The following PTPRD variants were observed in gnomAD, a reference collection of about 807,000 sequenced individuals.
The protein encoded by PTPRD is receptor-type tyrosine-protein phosphatase delta.
PTPRD carries 34 observed loss-of-function variants against 214.5 expected under a neutral mutation model. The observed-to-expected ratio is 0.16, with a 90% CI of 0.12 to 0.21. The LOEUF (loss-of-function observed/expected upper bound fraction) is 0.21, where lower values mean the gene tolerates loss of function less well. PTPRD is among the 10% of genes least tolerant of loss of function. The pLI, the probability that PTPRD is intolerant of heterozygous loss-of-function variation, is 1.00. For synonymous variants in PTPRD, 1,128 were observed against 845.7 expected (o/e 1.33, Z -5.79); for missense variants, 2,545 against 2,398.7 (o/e 1.06, Z -1.27).
At chr9:10,143,397 G>A (rs1012393633) in intron 3 of PTPRD, among the ~76,000 whole-genome samples, 19 of 152,164 alleles carry the variant, frequency 1.2e-4, no homozygotes, top group African/African-American at 4.3e-4. Flanking sequence ...TTGTTAAACA[G>A]TCAGAAATAT....
intron 8 of PTPRD, among the ~76,000 whole-genome samples, chr9:9,460,595 G>A (rs7857812): frequency 1.1e-4 from 17 of 151,782 alleles, no homozygotes; most frequent in African/African-American, 3.9e-4. Flanking sequence ...AATAATCATC[G>A]AAGCGATGCA....
chr9:9,654,704 G>A (rs889499289), intron 7 of PTPRD, among the ~76,000 whole-genome samples: 3 of 152,134 alleles, frequency 2.0e-5, no homozygotes, highest in Non-Finnish European at 4.4e-5. Flanking sequence ...TTAGCTAGAA[G>A]GAGTAACAGT....
chr9:10,381,437 T>A (rs1439987041), intron 2 of PTPRD, among the ~76,000 whole-genome samples: 1 of 152,044 alleles, frequency 6.6e-6, no homozygotes. Context: ...ACTGGCTTGT[T>A]AGCATATCAT....
At chr9:10,004,915 C>A (rs1490144139) in intron 4 of PTPRD, among the ~76,000 whole-genome samples, 1 of 152,090 alleles carries the variant, frequency 6.6e-6, no homozygotes, top group Admixed American at 6.6e-5. Flanking sequence ...CAAATTTTTC[C>A]AAGTTGGTGT....
chr9:9,300,707 C>G (rs537068203), intron 9 of PTPRD, among the ~76,000 whole-genome samples: 1 of 151,864 alleles, frequency 6.6e-6, no homozygotes, highest in African/African-American at 2.4e-5. Context: ...AGAAGGCTGT[C>G]ACCAGTACCT....
chr9:8,840,075 T>C (rs1159686485), intron 11 of PTPRD, among the ~76,000 whole-genome samples: 1 of 152,224 alleles, frequency 6.6e-6, no homozygotes, highest in African/African-American at 2.4e-5. Context: ...ATTACTTTTA[T>C]GGCTTTGAAA....
At chr9:8,426,151 T>G (rs1186996294) in intron 35 of PTPRD, among the ~76,000 whole-genome samples, 1 of 152,184 alleles carries the variant, frequency 6.6e-6, no homozygotes, top group Non-Finnish European at 1.5e-5. Context: ...CCACTTCTGT[T>G]GACCAAGCGC....
chr9:8,492,309 GC>G (rs1180488108), intron 27 of PTPRD, among the ~76,000 whole-genome samples: 1 of 152,054 alleles, frequency 6.6e-6, no homozygotes, highest in East Asian at 1.9e-4. Flanking sequence ...TGACTTCCCT[GC>G]CCAGATCCCT....
intron 4 of PTPRD, among the ~76,000 whole-genome samples, chr9:9,968,564 A>T (rs2094869670): frequency 6.6e-6 from 1 of 152,198 alleles, no homozygotes; most frequent in African/African-American, 2.4e-5. Flanking sequence ...GGAGAGAAGC[A>T]GAGAGCACCA....
intron 7 of PTPRD, among the ~76,000 whole-genome samples, chr9:9,634,554 G>A (rs2095694446): frequency 6.6e-6 from 1 of 152,098 alleles, no homozygotes; most frequent in African/African-American, 2.4e-5. Context: ...TAAGAGGAAG[G>A]AAATAAATGC....
chr9:9,021,348 A>C (rs1250557734), intron 10 of PTPRD, among the ~76,000 whole-genome samples: 1 of 152,206 alleles, frequency 6.6e-6, no homozygotes, highest in Non-Finnish European at 1.5e-5. Context: ...CTCATAGCAC[A>C]TACAATTATG....
intron 3 of PTPRD, among the ~76,000 whole-genome samples, chr9:10,157,109 G>T (rs970807004): frequency 6.6e-6 from 1 of 152,070 alleles, no homozygotes; most frequent in African/African-American, 2.4e-5. Context: ...CCTTTTGATT[G>T]GGGGCATTTA....
intron 9 of PTPRD, among the ~76,000 whole-genome samples, chr9:9,279,881 A>T (rs903266941): frequency 6.6e-6 from 1 of 151,122 alleles, no homozygotes; most frequent in Non-Finnish European, 1.5e-5. Context: ...AAATTCACTC[A>T]CGCCACTCTA....
At chr9:9,456,369 G>A (rs998946300) in intron 8 of PTPRD, among the ~76,000 whole-genome samples, 2 of 151,852 alleles carry the variant, frequency 1.3e-5, no homozygotes, top group Non-Finnish European at 2.9e-5. Flanking sequence ...AAACCGTACA[G>A]ATTGCTTTAG....
At chr9:8,751,131 G>C (rs548643483) in intron 11 of PTPRD, among the ~76,000 whole-genome samples, 1 of 152,110 alleles carries the variant, frequency 6.6e-6, no homozygotes, top group African/African-American at 2.4e-5. Flanking sequence ...GCTTTTTAAT[G>C]TTTTCAGCTG....
chr9:9,884,913 CT>C (rs1041444013), intron 5 of PTPRD, among the ~76,000 whole-genome samples: 2 of 152,088 alleles, frequency 1.3e-5, no homozygotes, highest in African/African-American at 4.8e-5. Flanking sequence ...AATTAAACCT[CT>C]TTCCTTTATA....
intron 4 of PTPRD, among the ~76,000 whole-genome samples, chr9:10,012,784 G>A (rs1023482653): frequency 5.3e-5 from 8 of 151,824 alleles, no homozygotes; most frequent in African/African-American, 1.9e-4. Context: ...AGATTTCCAA[G>A]GACCAAACTG....
rs1210250378 is a variant in PTPRD, at chr9:10,034,864, T to A, written c.-544-1074A>T. Among the ~76,000 whole-genome samples, 2 of 152,220 alleles carry A rather than the reference T, an allele frequency of 1.3e-5. 1 individual carries two copies. Among genetic ancestry groups the A allele is most frequent in the Admixed American group, 1.3e-4 (2 of 15,272 alleles). ...TTAGGTTGATTACACGTTTTTGCTA[T>A]TGTGAATAGTGCTGCAGTGAACATA... On this transcript the variant is annotated intron_variant, in intron 3 of 45. Transcript: ENST00000381196.
chr9:8,796,587 C>T (rs2096431828), intron 11 of PTPRD, among the ~76,000 whole-genome samples: 1 of 152,098 alleles, frequency 6.6e-6, no homozygotes, highest in Non-Finnish European at 1.5e-5. Flanking sequence ...TTATCTGTGG[C>T]TTTTTTATTT....
Sources: allele counts gnomAD v4.1 joint callset (sites outside exome capture counted in the v4.1 genomes callset), GRCh38; gene constraint gnomAD v4.1.1; transcripts MANE v1.5; gene names NCBI Gene and HGNC (gene_info 2026-07-23, HGNC 2026-07-21).